SLC9C1: variants seen among roughly 807,000 people sequenced by gnomAD.
SLC9C1 encodes sodium/hydrogen exchanger 10.
In SLC9C1, 97 loss-of-function variants were observed where a neutral mutation model predicts 140.9. The ratio of observed to expected loss-of-function variants is 0.69; its 90% CI spans 0.58 to 0.82. The LOEUF (loss-of-function observed/expected upper bound fraction) is 0.82, where lower values mean the gene tolerates loss of function less well. Among genes scored for constraint, SLC9C1 ranks in the 40% least tolerant of loss-of-function variants. SLC9C1 has a pLI of 0.00. For missense variants in SLC9C1, 1,340 were observed against 1,389.3 expected (o/e 0.96, Z 0.56); for synonymous variants, 440 against 442.6 (o/e 0.99, Z 0.07).
intron 10 of SLC9C1, among the ~76,000 whole-genome samples, chr3:112,255,962 A>C (rs1225813319): frequency 6.6e-6 from 1 of 152,190 alleles, no homozygotes; most frequent in Non-Finnish European, 1.5e-5. Context: ...CCCTATGCAC[A>C]CAAACTAGAA....
At chr3:112,223,306 T>G (rs2078591175) in intron 13 of SLC9C1, among the ~76,000 whole-genome samples, 1 of 152,000 alleles carries the variant, frequency 6.6e-6, no homozygotes, top group Non-Finnish European at 1.5e-5. Context: ...AAATCTTGTC[T>G]CAAAAAATAG....
chr3:112,152,892 T>A (rs1434659262), intron 27 of SLC9C1, among the ~76,000 whole-genome samples: 1 of 152,208 alleles, frequency 6.6e-6, no homozygotes, highest in African/African-American at 2.4e-5. Flanking sequence ...ATTAGCAGCA[T>A]CTCAAGGCAG....
At chr3:112,204,073 A>C (rs1576333332) in intron 17 of SLC9C1, 145 bp downstream of exon 17, 2 of 905,234 alleles carry the variant, frequency 2.2e-6, no homozygotes, top group East Asian at 8.8e-5. Context: ...TATGAAACTT[A>C]ATTTGCCAAA....
rs756375839 is a variant in SLC9C1 at position 112,217,559 on chromosome 3, C to G, written c.1673G>C (p.Cys558Ser). 1.3e-6 allele frequency: 2 copies of G among 1,571,788 alleles called. No homozygotes were observed. The highest frequency in any genetic ancestry group is 1.7e-6 in the Non-Finnish European group (2 of 1,164,230). The stretch of plus-strand genomic sequence containing the variant: ...ATTCTTTATTGTATCAAGACTCATA[C>G]ATCTAGAAAAAGAGAGAAATCTTTA... ...AESFGEKKGKCMSLDTIKNYS... is the reference protein window; with the variant it reads ...AESFGEKKGKSMSLDTIKNYS... The change falls in exon 15 of 29, where the codon TGT becomes TCT. Residue 558 changes from cysteine to serine, a missense_variant and splice_region_variant. Coordinates refer to ENST00000305815, the MANE Select transcript of SLC9C1 (RefSeq NM_183061.3).
At chr3:112,206,488 A>G (rs1055017529) in intron 16 of SLC9C1, among the ~76,000 whole-genome samples, 1 of 152,148 alleles carries the variant, frequency 6.6e-6, no homozygotes, top group African/African-American at 2.4e-5. Flanking sequence ...CCATCCCATT[A>G]CTGGGTAGAT....
chr3:112,144,610 T>C (rs934532569), intron 28 of SLC9C1, among the ~76,000 whole-genome samples: 8 of 152,224 alleles, frequency 5.3e-5, no homozygotes, highest in African/African-American at 1.4e-4. Flanking sequence ...GTTTATGTCA[T>C]CTGTGATTTC....
Position 112,239,858 on chromosome 3 carries a change from T to C in SLC9C1, c.1428A>G (p.Thr476=). Residue 476 remains threonine (T), a synonymous_variant, in exon 12 of 29, where the codon ACA becomes ACG. Transcript: ENST00000305815. The part of the protein sequence containing the change: ...ADWNMIEKAI[T]LENPYMLNEE... ...TGCTTACCATGTATGGGTTTTCAAG[T>C]GTAATTGCTTTCTCAATCATGTTCC... is the stretch of plus-strand genomic sequence containing the variant. 6.2e-7 allele frequency: 1 copy of C among 1,612,004 alleles called. No homozygotes were observed. The highest frequency in any genetic ancestry group is 8.5e-7 in the Non-Finnish European group (1 of 1,179,402).
At chr3:112,180,687 A>C (rs775354030) in intron 21 of SLC9C1, 25 bp from the exon 22 acceptor site, 4 of 1,528,276 alleles carry the variant, frequency 2.6e-6, no homozygotes, top group Non-Finnish European at 3.6e-6. Flanking sequence ...CAAATACATA[A>C]ACTATAAACA....
Position 112,280,692 on chromosome 3 carries a change from T to C in SLC9C1, c.180A>G (p.Thr60=), listed in dbSNP as rs759612949. 1 of 1,606,700 alleles carries C rather than the reference T, an allele frequency of 6.2e-7. No homozygotes were observed. Among genetic ancestry groups the C allele is most frequent in the Non-Finnish European group, 8.5e-7 (1 of 1,177,362 alleles). The change falls in exon 3 of 29, where the codon ACA becomes ACG. Residue 60 remains threonine, a synonymous_variant. Coordinates refer to ENST00000305815, the MANE Select transcript of SLC9C1 (RefSeq NM_183061.3). ...LGCSFEVLSF[T]SSQVQRYANA... ...CATTTACAATACACACCTGTGAAGA[T>C]GTAAAGCTTAATACTTCAAAACTGC...
intron 15 of SLC9C1, among the ~76,000 whole-genome samples, chr3:112,211,452 C>A (rs6764063): frequency 0.45 from 69,049 of 152,034 alleles, 16,163 homozygotes; most frequent in East Asian, 0.63. Context: ...GATTCCCTTT[C>A]CTAGCCAAGT....
intron 16 of SLC9C1, among the ~76,000 whole-genome samples, chr3:112,205,892 T>TG (rs2078033577): frequency 1.5e-5 from 1 of 64,760 alleles, no homozygotes; most frequent in Non-Finnish European, 3.2e-5. Flanking sequence ...CCTAAAACCA[T>TG]AAAACCCTAG....
chr3:112,248,290 ATTTATGCTTAAATGCAAG>A (rs1313795784), intron 10 of SLC9C1, among the ~76,000 whole-genome samples: 1 of 96,226 alleles, frequency 1.0e-5, no homozygotes, highest in Non-Finnish European at 2.4e-5. Context: ...TGCACTCCCA[ATTTATGCTTAAATGCAAG>A]TTTATGAGAG....
At chr3:112,165,517 G>A (rs1349976467) in intron 26 of SLC9C1, among the ~76,000 whole-genome samples, 1 of 152,172 alleles carries the variant, frequency 6.6e-6, no homozygotes, top group African/African-American at 2.4e-5. Context: ...AGGTCTGTTG[G>A]AGTTTGCTGG....
intron 28 of SLC9C1, among the ~76,000 whole-genome samples, chr3:112,147,175 A>T (rs1449587979): frequency 6.6e-6 from 1 of 151,968 alleles, no homozygotes; most frequent in Non-Finnish European, 1.5e-5. Flanking sequence ...CTTTACTTTG[A>T]GCTCATTGGT....
Position 112,196,761 on chromosome 3 carries a change from G to A in SLC9C1, c.2523+2560C>T, listed in dbSNP as rs146684293. ...TTTTTAGATTTTCTGTGTCTTTATG[G>A]ATATTTCCATTTTGTTCATGTATTT... is the stretch of plus-strand genomic sequence containing the variant. On this transcript the variant is annotated intron_variant, in intron 20 of 28. Transcript: ENST00000305815. 1.0e-3 allele frequency among the ~76,000 whole-genome samples: 153 copies of A among 151,956 alleles called. 3 individuals are homozygous for A. The East Asian group carries it at 0.013, about 13-fold the overall frequency.
intron 2 of SLC9C1, 60 bp from the exon 3 acceptor site, chr3:112,280,843 G>A: frequency 1.4e-6 from 2 of 1,435,960 alleles, no homozygotes; most frequent in Non-Finnish European, 1.9e-6. Context: ...GAACTTTAAT[G>A]TGACATGATT....
At chr3:112,241,063 C>T (rs1446641496) in intron 11 of SLC9C1, among the ~76,000 whole-genome samples, 1 of 152,112 alleles carries the variant, frequency 6.6e-6, no homozygotes, top group African/African-American at 2.4e-5. Flanking sequence ...TATTTGACAA[C>T]ACAATAAGGT....
intron 13 of SLC9C1, among the ~76,000 whole-genome samples, chr3:112,227,700 T>C (rs553323954): frequency 6.6e-6 from 1 of 152,258 alleles, no homozygotes; most frequent in East Asian, 1.9e-4. Flanking sequence ...CCTAGAACTG[T>C]TAAACCAATT....
intron 15 of SLC9C1, among the ~76,000 whole-genome samples, chr3:112,216,690 T>A (rs2078381240): frequency 6.6e-6 from 1 of 151,416 alleles, no homozygotes; most frequent in Non-Finnish European, 1.5e-5. Flanking sequence ...TGGCAATCAT[T>A]AAAGTCAGGA....
Sources: gnomAD v4.1 joint callset for allele counts (sites outside exome capture counted in the v4.1 genomes callset) on GRCh38, gnomAD v4.1.1 for gene constraint, MANE v1.5 for transcripts, NCBI Gene and HGNC (gene_info 2026-07-23, HGNC 2026-07-21) for gene names.